The following TBX15 variants were observed in gnomAD, a reference collection of about 807,000 sequenced individuals.
TBX15 encodes the protein T-box transcription factor 15.
In TBX15, 18 loss-of-function variants were observed where a neutral mutation model predicts 53.9. That is an observed-to-expected ratio of 0.33 (90% CI 0.23 to 0.49). The LOEUF (loss-of-function observed/expected upper bound fraction) is 0.49, where lower values mean the gene tolerates loss of function less well. TBX15 is among the 20% of genes least tolerant of loss of function. The pLI, the probability that TBX15 is intolerant of heterozygous loss-of-function variation, is 0.98. For synonymous variants in TBX15, 295 were observed against 278.0 expected (o/e 1.06, Z -0.61); for missense variants, 692 against 749.5 (o/e 0.92, Z 0.90).
intron 1 of TBX15, among the ~76,000 whole-genome samples, chr1:118,978,240 CTCTTT>C (rs1287389994): frequency 2.0e-5 from 3 of 152,196 alleles, no homozygotes; most frequent in East Asian, 1.9e-4. Flanking sequence ...AAAAATCTCT[CTCTTT>C]TATTTTTATT....
chr1:118,973,801 C>T (rs900052595), intron 1 of TBX15, among the ~76,000 whole-genome samples: 5 of 152,050 alleles, frequency 3.3e-5, no homozygotes, highest in Admixed American at 2.6e-4. Context: ...CACACACTGG[C>T]TGAGGCTTGG....
At position 118,987,791 on chromosome 1, in the gene TBX15, C is replaced by T. The variant is rs1359654999; in HGVS notation, c.5G>A (p.Ser2Asn). 1.3e-6 allele frequency: 2 copies of T among 1,549,606 alleles called. No homozygotes were observed. Among genetic ancestry groups the T allele is most frequent in the South Asian group, 2.4e-5 (2 of 84,030 alleles). Residue 2 changes from serine (S) to asparagine (N), a missense_variant, in exon 1 of 8, where the codon AGT becomes AAT. This residue lies in a region of TBX15 where 307 missense variants were observed against 347.5 expected (regional missense o/e 0.88). Transcript: ENST00000369429. M[S>N]ERRRSAVALS... is the part of the protein sequence containing the mutation. ...GGCGACTGCAGATCTTCTCCTTTCA[C>T]TCATTTTAGCCGCCCACACCCCTGC...
chr1:118,900,485 T>C (rs1365736660), intron 6 of TBX15, among the ~76,000 whole-genome samples: 2 of 152,210 alleles, frequency 1.3e-5, no homozygotes, highest in African/African-American at 4.8e-5. Flanking sequence ...TTGGAAAATT[T>C]CCTCTCTGAA....
Position 118,988,122 on chromosome 1 carries a change from T to G in TBX15, c.-327A>C, listed in dbSNP as rs1657905881. The G allele has an allele frequency of 5.2e-6, 2 of 384,894 alleles. No individual in the cohort carries two copies. The highest frequency in any genetic ancestry group is 9.9e-5 in the East Asian group (2 of 20,290). 23.8% of individuals were successfully genotyped at this position (384,894 alleles called of 1,614,324 possible). A position where few individuals can be genotyped will look rare whatever the true frequency, so the allele number is the denominator to read the frequency against. On this transcript the variant is annotated 5_prime_UTR_variant, in exon 1 of 8. Transcript: ENST00000369429. Reference sequence around the variant, plus strand: ...ACTGTGTCCACTGAACTTCATCTTGTTTTTGTTATTATTATTATTCTCTCT... The same window carrying G: ...ACTGTGTCCACTGAACTTCATCTTGGTTTTGTTATTATTATTATTCTCTCT...
At chr1:118,953,761 A>G (rs1656594031) in intron 1 of TBX15, among the ~76,000 whole-genome samples, 1 of 152,184 alleles carries the variant, frequency 6.6e-6, no homozygotes, top group African/African-American at 2.4e-5. Context: ...TCTCTTCACT[A>G]TGTGAAATTT....
chr1:118,905,620 T>G (rs1313215661), intron 6 of TBX15, among the ~76,000 whole-genome samples: 1 of 152,218 alleles, frequency 6.6e-6, no homozygotes, highest in East Asian at 1.9e-4. Context: ...TGTCCAGCAC[T>G]GATTACTTCC....
At chr1:118,986,401 C>A (rs1046257943) in intron 1 of TBX15, among the ~76,000 whole-genome samples, 2 of 152,206 alleles carry the variant, frequency 1.3e-5, no homozygotes, top group African/African-American at 4.8e-5. Flanking sequence ...ACTCAAATAC[C>A]GTAACGGGCC....
At chr1:118,983,657 GCCTCA>G (rs1184820226) in intron 1 of TBX15, among the ~76,000 whole-genome samples, 1 of 152,196 alleles carries the variant, frequency 6.6e-6, no homozygotes, top group Non-Finnish European at 1.5e-5. Flanking sequence ...AGTCCACCAG[GCCTCA>G]CCCTTGACTC....
At chr1:118,973,244 G>A (rs1306962821) in intron 1 of TBX15, among the ~76,000 whole-genome samples, 1 of 152,132 alleles carries the variant, frequency 6.6e-6, no homozygotes, top group Non-Finnish European at 1.5e-5. Context: ...CTCAAATCAG[G>A]TCTCCCTGAC....
chr1:118,918,349 T>C (rs1025525494), intron 5 of TBX15, among the ~76,000 whole-genome samples: 32 of 152,172 alleles, frequency 2.1e-4, no homozygotes, highest in African/African-American at 7.7e-4. Context: ...ATTTATTCAA[T>C]GAGCAAGTGA....
intron 1 of TBX15, among the ~76,000 whole-genome samples, chr1:118,975,115 G>A (rs1280597325): frequency 6.6e-6 from 1 of 152,226 alleles, no homozygotes; most frequent in Non-Finnish European, 1.5e-5. Context: ...ACTGCATGAG[G>A]AGATTTAGGA....
chr1:118,987,763 C>A lies in TBX15; in HGVS notation c.33G>T (p.Leu11=). ...CGGAGAAGGCATGTGCTCGCGAGCTCAGGGCGACTGCAGATCTTCTCCTTT... is the reference window on the plus strand; with the variant it reads ...CGGAGAAGGCATGTGCTCGCGAGCTAAGGGCGACTGCAGATCTTCTCCTTT... The part of the protein sequence containing the change: MSERRRSAVA[L]SSRAHAFSVE... Residue 11 remains leucine, a synonymous_variant, in exon 1 of 8, where the codon CTG becomes CTT. Coordinates refer to ENST00000369429, the MANE Select transcript of TBX15 (RefSeq NM_001330677.2). 6.5e-7 allele frequency: 1 copy of A among 1,550,268 alleles called. No homozygotes were observed. The highest frequency in any genetic ancestry group is 8.7e-7 in the Non-Finnish European group (1 of 1,146,842).
chr1:118,886,311 G>T (rs1653943020), intron 7 of TBX15, among the ~76,000 whole-genome samples: 1 of 152,126 alleles, frequency 6.6e-6, no homozygotes, highest in Admixed American at 6.5e-5. Context: ...ATCAGAACAA[G>T]AAGCTAAAAA....
chr1:118,917,592 T>G (rs1025205621), intron 5 of TBX15, among the ~76,000 whole-genome samples: 1 of 152,196 alleles, frequency 6.6e-6, no homozygotes, highest in Non-Finnish European at 1.5e-5. Flanking sequence ...TTTAAAATTT[T>G]TAAAAGAAAG....
At chr1:118,936,946 C>T (rs1427021627) in intron 1 of TBX15, among the ~76,000 whole-genome samples, 6 of 152,132 alleles carry the variant, frequency 3.9e-5, no homozygotes, top group African/African-American at 1.2e-4. Context: ...GGTTCTTGTT[C>T]TGAAGGAGCT....
At chr1:118,983,058 A>T (rs1407236624) in intron 1 of TBX15, among the ~76,000 whole-genome samples, 1 of 152,200 alleles carries the variant, frequency 6.6e-6, no homozygotes, top group Non-Finnish European at 1.5e-5. Flanking sequence ...GCAGAGGTGG[A>T]CGCCAGAGGC....
At chr1:118,940,597 G>T (rs1464063315) in intron 1 of TBX15, among the ~76,000 whole-genome samples, 1 of 151,690 alleles carries the variant, frequency 6.6e-6, no homozygotes, top group Non-Finnish European at 1.5e-5. Context: ...AGTTTTTGAT[G>T]GTCCTAAGTG....
chr1:118,898,936 C>A, intron 7 of TBX15, 92 bp downstream of exon 7: 1 of 1,285,048 alleles, frequency 7.8e-7, no homozygotes. Flanking sequence ...TAACCCATAT[C>A]TTGGCCTGAG....
intron 1 of TBX15, among the ~76,000 whole-genome samples, chr1:118,966,667 G>T (rs111444840): frequency 2.6e-5 from 4 of 152,296 alleles, no homozygotes; most frequent in South Asian, 2.1e-4. Flanking sequence ...GAAAGCAACA[G>T]GTCTATCCCA....
Sources: allele counts gnomAD v4.1 joint callset (sites outside exome capture counted in the v4.1 genomes callset), GRCh38; gene constraint gnomAD v4.1.1; regional missense constraint gnomAD v4.1.1; transcripts MANE v1.5; gene names NCBI Gene and HGNC (gene_info 2026-07-23, HGNC 2026-07-21).